Variants in TMEM132D observed in about 807,000 individuals in gnomAD.
TMEM132D encodes the protein transmembrane protein 132D.
A neutral mutation model predicts 62.3 loss-of-function variants in TMEM132D; 21 were observed. The ratio of observed to expected loss-of-function variants is 0.34; its 90% CI spans 0.24 to 0.49. The LOEUF is 0.49. TMEM132D is among the 20% of genes least tolerant of loss of function. The pLI is 0.99. For missense variants in TMEM132D, 1,346 were observed against 1,402.8 expected, an observed-to-expected ratio of 0.96 and a Z score of 0.65; for synonymous variants, 621 against 575.6, an observed-to-expected ratio of 1.08 and a Z score of -1.13.
intron 2 of TMEM132D, among the ~76,000 whole-genome samples, chr12:129,555,830 C>G (rs559480177): frequency 6.6e-6 from 1 of 152,080 alleles, no homozygotes; most frequent in Non-Finnish European, 1.5e-5. Flanking sequence ...TGGAGAAAAC[C>G]GTAATTGCTT....
At chr12:129,373,658 T>TA (rs140469625) in intron 3 of TMEM132D, among the ~76,000 whole-genome samples, 7,388 of 150,864 alleles carry the variant, frequency 0.049, 213 homozygotes, top group African/African-American at 0.073. Context: ...CAAAACAAAA[T>TA]AAAAAAAACA....
intron 5 of TMEM132D, among the ~76,000 whole-genome samples, chr12:129,164,369 A>G (rs1446678723): frequency 6.6e-6 from 1 of 152,208 alleles, no homozygotes; most frequent in Admixed American, 6.5e-5. Flanking sequence ...CACCCACCAT[A>G]ATGGCTGCAA....
chr12:129,791,851 C>A (rs923527503), intron 1 of TMEM132D, among the ~76,000 whole-genome samples: 7 of 152,184 alleles, frequency 4.6e-5, no homozygotes, highest in Admixed American at 1.3e-4. Context: ...CAGACTTAGA[C>A]AATCCACAGA....
chr12:129,336,527 G>A (rs1257992427), intron 4 of TMEM132D, among the ~76,000 whole-genome samples: 2 of 151,526 alleles, frequency 1.3e-5, no homozygotes, highest in South Asian at 2.1e-4. Context: ...AGCCAAGATC[G>A]CACCACCGCA....
intron 3 of TMEM132D, among the ~76,000 whole-genome samples, chr12:129,387,482 C>A (rs1017155331): frequency 7.9e-5 from 12 of 151,834 alleles, no homozygotes; most frequent in Non-Finnish European, 2.9e-5. Flanking sequence ...ACTAACACCA[C>A]TCTAACACTA....
intron 2 of TMEM132D, among the ~76,000 whole-genome samples, chr12:129,673,427 A>G (rs892454472): frequency 2.0e-5 from 3 of 152,200 alleles, no homozygotes; most frequent in African/African-American, 7.2e-5. Context: ...ATGTATGGAA[A>G]TTTCAATCAT....
intron 3 of TMEM132D, among the ~76,000 whole-genome samples, chr12:129,370,003 C>A (rs1244231441): frequency 1.3e-5 from 2 of 152,206 alleles, no homozygotes; most frequent in Non-Finnish European, 2.9e-5. Context: ...CTGTGGCCAA[C>A]TGTGGCCCTG....
At chr12:129,802,145 T>G in intron 1 of TMEM132D, among the ~76,000 whole-genome samples, 1 of 151,492 alleles carries the variant, frequency 6.6e-6, no homozygotes, top group Non-Finnish European at 1.5e-5. Context: ...CTTCCCCAAT[T>G]TAGCAAGGCA....
intron 1 of TMEM132D, among the ~76,000 whole-genome samples, chr12:129,789,365 C>A (rs187980315): frequency 2.6e-5 from 4 of 152,166 alleles, no homozygotes; most frequent in African/African-American, 9.7e-5. Flanking sequence ...TGGTCTTCAA[C>A]CCCACCCAGG....
intron 3 of TMEM132D, among the ~76,000 whole-genome samples, chr12:129,351,522 T>G (rs1218742489): frequency 6.6e-6 from 1 of 152,210 alleles, no homozygotes; most frequent in Non-Finnish European, 1.5e-5. Flanking sequence ...AGGGAACTTG[T>G]GCTTTGATCG....
chr12:129,484,902 T>G (rs905814659), intron 3 of TMEM132D, among the ~76,000 whole-genome samples: 1 of 152,210 alleles, frequency 6.6e-6, no homozygotes, highest in Non-Finnish European at 1.5e-5. Context: ...ATTTATGGGT[T>G]CTTACTAAGC....
intron 3 of TMEM132D, among the ~76,000 whole-genome samples, chr12:129,419,119 C>T (rs1034494022): frequency 3.3e-5 from 5 of 152,112 alleles, no homozygotes; most frequent in Admixed American, 6.6e-5. Flanking sequence ...TGTGGGACTT[C>T]GTTATGTAAA....
intron 2 of TMEM132D, among the ~76,000 whole-genome samples, chr12:129,648,471 ACT>A (rs1436194610): frequency 4.6e-5 from 7 of 151,488 alleles, no homozygotes; most frequent in Non-Finnish European, 8.8e-5. Flanking sequence ...TGTGTATTAA[ACT>A]CTCCCTATTG....
intron 1 of TMEM132D, among the ~76,000 whole-genome samples, chr12:129,860,015 T>C (rs898184629): frequency 5.9e-5 from 9 of 152,194 alleles, no homozygotes; most frequent in African/African-American, 1.4e-4. Context: ...CCCTGACTCA[T>C]ACAGAACATT....
intron 1 of TMEM132D, among the ~76,000 whole-genome samples, chr12:129,850,306 C>A (rs555836315): frequency 2.6e-5 from 4 of 152,078 alleles, no homozygotes; most frequent in Non-Finnish European, 5.9e-5. Flanking sequence ...TCCACAGGGC[C>A]CCCAAGTCAT....
intron 3 of TMEM132D, among the ~76,000 whole-genome samples, chr12:129,456,490 C>T (rs7310695): frequency 0.19 from 28,427 of 152,064 alleles, 2,753 homozygotes; most frequent in Middle Eastern, 0.25. Flanking sequence ...CCGCTGACTT[C>T]CCAGTGTCTG....
intron 2 of TMEM132D, among the ~76,000 whole-genome samples, chr12:129,678,466 TA>T (rs1880694742): frequency 1.3e-5 from 2 of 152,170 alleles, no homozygotes; most frequent in South Asian, 4.1e-4. Context: ...TGTCTGTTCA[TA>T]TTTTTTGCCC....
chr12:129,503,088 A>G (rs76904946), intron 3 of TMEM132D, among the ~76,000 whole-genome samples: 1,749 of 152,320 alleles, frequency 0.011, 29 homozygotes, highest in African/African-American at 0.04. Context: ...TGGTCATTTA[A>G]AAGTCATAGA....
chr12:129,430,036 T>C (rs1341243249), intron 3 of TMEM132D, among the ~76,000 whole-genome samples: 3 of 152,192 alleles, frequency 2.0e-5, no homozygotes, highest in Non-Finnish European at 2.9e-5. Context: ...AGTGCCACTA[T>C]AAACATACGT....
Sources: gnomAD v4.1 joint callset for allele counts (sites outside exome capture counted in the v4.1 genomes callset) on GRCh38, gnomAD v4.1.1 for gene constraint, MANE v1.5 for transcripts, NCBI Gene and HGNC (gene_info 2026-07-23, HGNC 2026-07-21) for gene names.